Variants in HIVEP3 observed in about 807,000 individuals in gnomAD.
HIVEP3 encodes the protein transcription factor HIVEP3.
A neutral mutation model predicts 152.8 loss-of-function variants in HIVEP3; 49 were observed. That is an observed-to-expected ratio of 0.32 (90% CI 0.26 to 0.41). The LOEUF (loss-of-function observed/expected upper bound fraction) is 0.41. Among genes scored for constraint, HIVEP3 ranks in the 10% least tolerant of loss-of-function variants. The pLI is 1.00. For missense variants in HIVEP3, 2,790 were observed against 3,103.3 expected (o/e 0.90, Z 2.40); for synonymous variants, 1,269 against 1,289.0 (o/e 0.98, Z 0.33).
intron 1 of HIVEP3, among the ~76,000 whole-genome samples, chr1:41,839,186 G>A (rs1174864613): frequency 3.9e-5 from 6 of 152,136 alleles, no homozygotes; most frequent in Admixed American, 3.9e-4. Context: ...GTCCACAGAG[G>A]AGGGAAGGTG....
chr1:41,790,337 C>T (rs1005240484), intron 1 of HIVEP3, among the ~76,000 whole-genome samples: 2 of 152,194 alleles, frequency 1.3e-5, no homozygotes, highest in Non-Finnish European at 2.9e-5. Context: ...TTGCCCTCTA[C>T]CATGAGTGGA....
intron 1 of HIVEP3, among the ~76,000 whole-genome samples, chr1:41,769,432 G>A (rs1213105954): frequency 1.3e-5 from 2 of 152,130 alleles, no homozygotes; most frequent in South Asian, 2.1e-4. Context: ...AGAAATCTAG[G>A]GCACATCCCA....
intron 1 of HIVEP3, among the ~76,000 whole-genome samples, chr1:41,773,084 T>A (rs1648479068): frequency 6.6e-6 from 1 of 152,208 alleles, no homozygotes; most frequent in South Asian, 2.1e-4. Flanking sequence ...AACAATATGA[T>A]CAAGTTCAGA....
chr1:41,889,036 A>G (rs1361711125), intron 1 of HIVEP3, among the ~76,000 whole-genome samples: 1 of 132,468 alleles, frequency 7.5e-6, no homozygotes, highest in African/African-American at 3.5e-5. Flanking sequence ...CACACGCTAC[A>G]CACACACACA....
intron 1 of HIVEP3, among the ~76,000 whole-genome samples, chr1:41,851,566 G>A (rs531300614): frequency 6.6e-6 from 1 of 152,028 alleles, no homozygotes; most frequent in Non-Finnish European, 1.5e-5. Context: ...CTCCCAAAGT[G>A]CTGGGATTAC....
chr1:41,844,030 T>C (rs1298542881), intron 1 of HIVEP3, among the ~76,000 whole-genome samples: 1 of 152,114 alleles, frequency 6.6e-6, no homozygotes, highest in Non-Finnish European at 1.5e-5. Flanking sequence ...CATGGGACAA[T>C]GTTGATACCA....
chr1:42,005,788 C>A (rs116313697), intron 1 of HIVEP3, among the ~76,000 whole-genome samples: 2 of 152,318 alleles, frequency 1.3e-5, no homozygotes, highest in African/African-American at 4.8e-5. Context: ...TCAAATAAAG[C>A]CTTCAACCAT....
chr1:41,689,168 G>A (rs888628235), intron 2 of HIVEP3, among the ~76,000 whole-genome samples: 13 of 152,136 alleles, frequency 8.5e-5, no homozygotes, highest in African/African-American at 1.7e-4. Flanking sequence ...TGATGTTTCC[G>A]TAGGTATTTG....
intron 1 of HIVEP3, among the ~76,000 whole-genome samples, chr1:41,880,287 C>T (rs1327122797): frequency 6.6e-6 from 1 of 152,130 alleles, no homozygotes; most frequent in African/African-American, 2.4e-5. Flanking sequence ...GCAATGCCCC[C>T]ACCTCAGCCT....
chr1:41,523,430 G>A (rs2149051885), intron 6 of HIVEP3, among the ~76,000 whole-genome samples: 1 of 152,232 alleles, frequency 6.6e-6, no homozygotes, highest in Middle Eastern at 3.4e-3. Flanking sequence ...AACCTTGACA[G>A]GAAAATTTGA....
intron 2 of HIVEP3, among the ~76,000 whole-genome samples, chr1:41,692,045 T>C (rs886891421): frequency 3.9e-5 from 6 of 152,314 alleles, no homozygotes; most frequent in Admixed American, 2.6e-4. Context: ...GGTTTCACCA[T>C]GTTGGCCAGG....
chr1:42,019,642 T>C (rs185969958), intron 1 of HIVEP3, among the ~76,000 whole-genome samples: 39 of 152,040 alleles, frequency 2.6e-4, no homozygotes, highest in African/African-American at 8.9e-4. Flanking sequence ...CTATAGATTC[T>C]TTTGGGTTTT....
chr1:41,634,791 A>C (rs1301251281), intron 2 of HIVEP3, among the ~76,000 whole-genome samples: 2 of 152,214 alleles, frequency 1.3e-5, no homozygotes, highest in Non-Finnish European at 2.9e-5. Context: ...CCAAGGAGAT[A>C]CAAAAATCAC....
At chr1:42,030,030 G>A (rs1359331762) in intron 1 of HIVEP3, among the ~76,000 whole-genome samples, 1 of 152,138 alleles carries the variant, frequency 6.6e-6, no homozygotes, top group Non-Finnish European at 1.5e-5. Flanking sequence ...ATAACCACTG[G>A]AAATACTGCC....
chr1:41,901,761 C>T (rs1001053503), intron 1 of HIVEP3, among the ~76,000 whole-genome samples: 33 of 152,258 alleles, frequency 2.2e-4, no homozygotes, highest in East Asian at 1.9e-4. Context: ...ACACCATGCA[C>T]ACAGCCCAGG....
At chr1:41,807,907 G>A (rs1650730285) in intron 1 of HIVEP3, among the ~76,000 whole-genome samples, 1 of 152,184 alleles carries the variant, frequency 6.6e-6, no homozygotes. Context: ...AAGGCATCAG[G>A]AGGCTCCAGC....
At chr1:41,616,590 A>G (rs1226740268) in intron 3 of HIVEP3, among the ~76,000 whole-genome samples, 1 of 138,876 alleles carries the variant, frequency 7.2e-6, no homozygotes, top group Non-Finnish European at 1.6e-5. Flanking sequence ...TTTTTCAAAC[A>G]GGGTATAGGA....
chr1:41,666,456 G>A (rs1045391470), intron 2 of HIVEP3, among the ~76,000 whole-genome samples: 16 of 152,120 alleles, frequency 1.1e-4, no homozygotes, highest in East Asian at 3.8e-4. Flanking sequence ...TGATCTTGAC[G>A]TTCTCATCTC....
At chr1:41,919,244 T>C (rs145837308), upstream of HIVEP3, among the ~76,000 whole-genome samples, 23 of 152,172 alleles carry the variant, frequency 1.5e-4, no homozygotes, top group African/African-American at 5.3e-4. Flanking sequence ...CTATGATCCT[T>C]CACTTCTGAA....
Sources: gnomAD v4.1 joint callset for allele counts (sites outside exome capture counted in the v4.1 genomes callset) on GRCh38, gnomAD v4.1.1 for gene constraint, MANE v1.5 for transcripts, NCBI Gene and HGNC (gene_info 2026-07-23, HGNC 2026-07-21) for gene names.